The following LMX1A variants were observed in gnomAD, a reference collection of about 807,000 sequenced individuals.
LMX1A encodes LIM homeobox transcription factor 1-alpha.
LMX1A carries 15 observed loss-of-function variants against 49.1 expected under a neutral mutation model. The observed-to-expected ratio is 0.31, with a 90% CI of 0.20 to 0.47. The LOEUF (loss-of-function observed/expected upper bound fraction) is 0.47, where lower values mean the gene tolerates loss of function less well. LMX1A is among the 20% of genes least tolerant of loss of function. The pLI is 1.00. For synonymous variants in LMX1A, 167 were observed against 185.7 expected, an observed-to-expected ratio of 0.90 and a Z score of 0.82; for missense variants, 372 against 475.8, an observed-to-expected ratio of 0.78 and a Z score of 2.03.
chr1:165,323,802 T>A (rs978424041), intron 3 of LMX1A, among the ~76,000 whole-genome samples: 1 of 149,406 alleles, frequency 6.7e-6, no homozygotes, highest in Non-Finnish European at 1.5e-5. Flanking sequence ...CTGTTCTCAA[T>A]ACTTTCACAT....
In LMX1A at chr1:165,202,919, C is replaced by T. The variant is rs1429284760; in HGVS notation, c.*961G>A. Reference sequence around the variant, plus strand: ...ATCAGATATTAGTCTCAGCCCTGCTCATGTGTCCTGGGAATGAATTAAGCC... The same window carrying T: ...ATCAGATATTAGTCTCAGCCCTGCTTATGTGTCCTGGGAATGAATTAAGCC... On this transcript the variant is annotated 3_prime_UTR_variant, in exon 9 of 9. Coordinates refer to ENST00000342310, the MANE Select transcript of LMX1A (RefSeq NM_177398.4). 6.5e-6 allele frequency: 1 copy of T among 152,692 alleles called. No individual in the cohort carries two copies. Among genetic ancestry groups the T allele is most frequent in the African/African-American group, 2.4e-5 (1 of 41,450 alleles). 9.5% of individuals were successfully genotyped at this position (152,692 alleles called of 1,614,324 possible).
At chr1:165,244,325 A>G (rs966512188) in intron 4 of LMX1A, among the ~76,000 whole-genome samples, 1 of 152,196 alleles carries the variant, frequency 6.6e-6, no homozygotes, top group Non-Finnish European at 1.5e-5. Context: ...AATTTAGTCA[A>G]CCTGAAGATG....
At chr1:165,255,344 G>C (rs1244647979) in intron 3 of LMX1A, among the ~76,000 whole-genome samples, 1 of 152,152 alleles carries the variant, frequency 6.6e-6, no homozygotes, top group Non-Finnish European at 1.5e-5. Context: ...ATAGAGGTTG[G>C]CTGAAATGCT....
At chr1:165,254,957 A>G (rs2102642823) in intron 3 of LMX1A, among the ~76,000 whole-genome samples, 1 of 152,318 alleles carries the variant, frequency 6.6e-6, no homozygotes. Flanking sequence ...CACCTGTAAA[A>G]TGGGAATAAT....
chr1:165,325,254 TACTTACTCTTGG>T (rs995921285), intron 3 of LMX1A, among the ~76,000 whole-genome samples: 1 of 152,186 alleles, frequency 6.6e-6, no homozygotes, highest in African/African-American at 2.4e-5. Flanking sequence ...TTGTTCCCCT[TACTTACTCTTGG>T]ATTATCTGTA....
chr1:165,302,307 T>C (rs906161846), intron 3 of LMX1A, among the ~76,000 whole-genome samples: 1 of 151,838 alleles, frequency 6.6e-6, no homozygotes, highest in Non-Finnish European at 1.5e-5. Flanking sequence ...AGCCGGGTGT[T>C]GTGGTGCATG....
chr1:165,316,702 G>A (rs1420353394), intron 3 of LMX1A, among the ~76,000 whole-genome samples: 1 of 152,092 alleles, frequency 6.6e-6, no homozygotes, highest in East Asian at 1.9e-4. Flanking sequence ...GTTTCCCAGG[G>A]GCATCCGAGT....
chr1:165,253,923 C>T (rs1019546545), intron 3 of LMX1A, among the ~76,000 whole-genome samples: 6 of 152,098 alleles, frequency 3.9e-5, no homozygotes, highest in Non-Finnish European at 7.4e-5. Flanking sequence ...ACTCCCTCTC[C>T]CCTATGCTGG....
chr1:165,235,213 T>C (rs1397052564), intron 4 of LMX1A, among the ~76,000 whole-genome samples: 2 of 152,082 alleles, frequency 1.3e-5, no homozygotes, highest in Non-Finnish European at 2.9e-5. Flanking sequence ...ACCCGGGAGC[T>C]AGGACCAAAC....
intron 3 of LMX1A, among the ~76,000 whole-genome samples, chr1:165,282,821 C>A (rs1210100114): frequency 6.6e-6 from 1 of 152,204 alleles, no homozygotes; most frequent in Non-Finnish European, 1.5e-5. Flanking sequence ...TCCACTGCTA[C>A]CTCCATCCCT....
At chr1:165,290,569 T>A (rs1571204689) in intron 3 of LMX1A, among the ~76,000 whole-genome samples, 1 of 152,164 alleles carries the variant, frequency 6.6e-6, no homozygotes, top group Non-Finnish European at 1.5e-5. Flanking sequence ...TTTAATCACA[T>A]CTACAAAGAT....
intron 3 of LMX1A, among the ~76,000 whole-genome samples, chr1:165,283,443 T>G (rs1216750871): frequency 6.6e-6 from 1 of 152,238 alleles, no homozygotes; most frequent in African/African-American, 2.4e-5. Flanking sequence ...AGCTTTTTAC[T>G]GGTCAAATGT....
intron 7 of LMX1A, 103 bp downstream of exon 7, chr1:165,207,960 A>T: frequency 1.0e-6 from 1 of 955,546 alleles, no homozygotes; most frequent in Non-Finnish European, 1.6e-6. Context: ...TCTAGGCTTC[A>T]CTGAGTCCAG....
intron 3 of LMX1A, among the ~76,000 whole-genome samples, chr1:165,256,819 T>C (rs16841728): frequency 0.083 from 12,604 of 152,098 alleles, 589 homozygotes; most frequent in African/African-American, 0.12. Flanking sequence ...AAACTACTAG[T>C]GGACAAGTCT....
intron 3 of LMX1A, among the ~76,000 whole-genome samples, chr1:165,336,928 A>G (rs1424691539): frequency 1.3e-5 from 2 of 152,240 alleles, no homozygotes; most frequent in Non-Finnish European, 2.9e-5. Context: ...CTGGGAAAAG[A>G]GAAACTATGC....
intron 3 of LMX1A, among the ~76,000 whole-genome samples, chr1:165,328,401 G>T (rs1021242302): frequency 6.6e-6 from 1 of 152,356 alleles, no homozygotes; most frequent in East Asian, 1.9e-4. Flanking sequence ...AAGTGAGCCC[G>T]ATACAAGCCC....
At chr1:165,330,100 G>A (rs1392948367) in intron 3 of LMX1A, among the ~76,000 whole-genome samples, 3 of 152,162 alleles carry the variant, frequency 2.0e-5, no homozygotes, top group Non-Finnish European at 2.9e-5. Flanking sequence ...AATATCGTAA[G>A]GCAGGTATTA....
At chr1:165,300,033 T>G (rs977582231) in intron 3 of LMX1A, among the ~76,000 whole-genome samples, 1 of 152,252 alleles carries the variant, frequency 6.6e-6, no homozygotes, top group South Asian at 2.1e-4. Flanking sequence ...AGCCATTGGA[T>G]CAGGAGACTC....
intron 3 of LMX1A, among the ~76,000 whole-genome samples, chr1:165,272,362 G>C (rs1653820814): frequency 6.6e-6 from 1 of 152,178 alleles, no homozygotes; most frequent in African/African-American, 2.4e-5. Context: ...ACAGAGATCT[G>C]GTTACACTGG....
Sources: allele counts gnomAD v4.1 joint callset (sites outside exome capture counted in the v4.1 genomes callset), GRCh38; gene constraint gnomAD v4.1.1; transcripts MANE v1.5; gene names NCBI Gene and HGNC (gene_info 2026-07-23, HGNC 2026-07-21).